CNBD1: variants seen among roughly 807,000 people sequenced by gnomAD.
CNBD1 encodes the protein cyclic nucleotide-binding domain-containing protein 1.
Under a neutral mutation model 54.4 loss-of-function variants are expected in CNBD1, and 71 were observed. That is an observed-to-expected ratio of 1.30 (90% CI 1.08 to 1.59). CNBD1 has a LOEUF of 1.59. Ranked by LOEUF, CNBD1 falls within the 40% of genes most tolerant of loss-of-function variation. The pLI is 0.00. For synonymous variants in CNBD1, 182 were observed against 170.7 expected (o/e 1.07, Z -0.51); for missense variants, 659 against 518.0 (o/e 1.27, Z -2.64).
intron 10 of CNBD1, among the ~76,000 whole-genome samples, chr8:87,358,396 T>G (rs1343962794): frequency 6.6e-6 from 1 of 152,208 alleles, no homozygotes; most frequent in Non-Finnish European, 1.5e-5. Flanking sequence ...AAATAATTAC[T>G]AACCACCAAT....
rs540876219 is a variant in CNBD1 at position 87,424,672 on chromosome 8, G to A, written c.214-3874G>A. ...CAGAAGCTCTCTTCTGGCTTGTACG[G>A]TTTCTGCCAAGAGATCCGCTGTTAG... On this transcript the variant is annotated intron_variant, in intron 2 of 7. Coordinates refer to the CNBD1 transcript ENST00000521593. Among the ~76,000 whole-genome samples, 10 of 152,260 alleles carry A rather than the reference G, an allele frequency of 6.6e-5. No individual in the cohort carries two copies. In the East Asian group the frequency reaches 1.7e-3, roughly 26 times the overall value.
chr8:87,406,660 A>C (rs1237973288), intron 2 of CNBD1, among the ~76,000 whole-genome samples: 5 of 151,888 alleles, frequency 3.3e-5, no homozygotes, highest in African/African-American at 1.2e-4. Flanking sequence ...TTGTATTTTT[A>C]GTAGAGATGG....
At chr8:87,428,432 A>G in intron 2 of CNBD1, 1 of 305,348 alleles carries the variant, frequency 3.3e-6, no homozygotes, top group Non-Finnish European at 6.5e-6. Context: ...ATTAGGGAAA[A>G]TTTAATTTTG....
intron 4 of CNBD1, among the ~76,000 whole-genome samples, chr8:87,195,719 A>G (rs893055981): frequency 4.0e-5 from 6 of 150,454 alleles, no homozygotes; most frequent in African/African-American, 1.2e-4. Context: ...GACTACAGGT[A>G]TGCACCACCA....
At chr8:86,895,533 G>T (rs552223038) in intron 2 of CNBD1, among the ~76,000 whole-genome samples, 2 of 152,136 alleles carry the variant, frequency 1.3e-5, no homozygotes, top group Non-Finnish European at 2.9e-5. Flanking sequence ...CTAGCAAACC[G>T]TTCCAACGTG....
chr8:87,396,122 A>G (rs1811405288), intron 2 of CNBD1, among the ~76,000 whole-genome samples: 1 of 151,920 alleles, frequency 6.6e-6, no homozygotes, highest in East Asian at 1.9e-4. Context: ...TGTCTAATGA[A>G]TGACTATGTA....
chr8:86,888,565 C>A (rs919549651), intron 2 of CNBD1, among the ~76,000 whole-genome samples: 3 of 152,100 alleles, frequency 2.0e-5, no homozygotes, highest in African/African-American at 7.2e-5. Flanking sequence ...TAACAGTACT[C>A]ACTTTAAAGG....
At chr8:86,904,200 T>A (rs6468533) in intron 2 of CNBD1, among the ~76,000 whole-genome samples, 143,812 of 152,092 alleles carry the variant, frequency 0.95, 68,093 homozygotes, top group East Asian at 1. Context: ...GAGGATTTTG[T>A]TGTTCATTGT....
At chr8:87,177,698 T>G (rs1384265841) in intron 4 of CNBD1, among the ~76,000 whole-genome samples, 1 of 152,198 alleles carries the variant, frequency 6.6e-6, no homozygotes, top group African/African-American at 2.4e-5. Context: ...AAGTTCTAAC[T>G]TTTTGTTTTA....
At chr8:86,870,331 G>T (rs931660354) in intron 1 of CNBD1, among the ~76,000 whole-genome samples, 2 of 151,684 alleles carry the variant, frequency 1.3e-5, no homozygotes, top group African/African-American at 4.8e-5. Context: ...TGGGACTACA[G>T]TATATGTTAG....
At chr8:87,208,692 A>G (rs1814029376) in intron 5 of CNBD1, among the ~76,000 whole-genome samples, 1 of 152,010 alleles carries the variant, frequency 6.6e-6, no homozygotes, top group South Asian at 2.1e-4. Flanking sequence ...ATTAAAACCC[A>G]TTTCTATAAA....
intron 4 of CNBD1, among the ~76,000 whole-genome samples, chr8:87,131,280 G>A (rs1438662952): frequency 6.6e-6 from 1 of 151,816 alleles, no homozygotes; most frequent in Admixed American, 6.6e-5. Context: ...ACTTTTTTGA[G>A]TTAATTGCAT....
At chr8:87,320,542 CATTG>C (rs2130898803) in intron 8 of CNBD1, among the ~76,000 whole-genome samples, 1 of 150,028 alleles carries the variant, frequency 6.7e-6, no homozygotes, top group Non-Finnish European at 1.5e-5. Flanking sequence ...TTAGTTCAAT[CATTG>C]ATTAACAGGA....
chr8:86,970,321 C>T (rs2130489163), intron 4 of CNBD1, among the ~76,000 whole-genome samples: 1 of 152,196 alleles, frequency 6.6e-6, no homozygotes, highest in South Asian at 2.1e-4. Context: ...TCCTATGTGT[C>T]TTATTTTTTT....
chr8:87,265,238 C>A (rs538017626), intron 6 of CNBD1, among the ~76,000 whole-genome samples: 1 of 152,184 alleles, frequency 6.6e-6, no homozygotes, highest in South Asian at 2.1e-4. Context: ...GTTTTCCCAG[C>A]ACCATTTATT....
chr8:86,974,013 A>AT (rs886887006), intron 4 of CNBD1, among the ~76,000 whole-genome samples: 10 of 151,942 alleles, frequency 6.6e-5, no homozygotes, highest in East Asian at 1.9e-4. Flanking sequence ...TTCTAGGAGG[A>AT]TTTTTTTTAC....
intron 4 of CNBD1, among the ~76,000 whole-genome samples, chr8:87,096,299 G>A (rs999149877): frequency 1.7e-4 from 25 of 148,120 alleles, no homozygotes; most frequent in African/African-American, 5.5e-4. Context: ...TTCTCCCTAT[G>A]TCATCACATA....
At chr8:87,343,873 T>A (rs1810116885) in intron 8 of CNBD1, among the ~76,000 whole-genome samples, 2 of 152,246 alleles carry the variant, frequency 1.3e-5, no homozygotes, top group Non-Finnish European at 1.5e-5. Flanking sequence ...TTACCTGATT[T>A]TTTTCCTAAG....
intron 4 of CNBD1, among the ~76,000 whole-genome samples, chr8:87,050,508 C>T (rs1810289578): frequency 6.6e-6 from 1 of 152,148 alleles, no homozygotes; most frequent in African/African-American, 2.4e-5. Context: ...AAATTGCCTG[C>T]CCAAACAAGT....
Sources: allele counts gnomAD v4.1 joint callset (sites outside exome capture counted in the v4.1 genomes callset), GRCh38; gene constraint gnomAD v4.1.1; transcripts MANE v1.5; gene names NCBI Gene and HGNC (gene_info 2026-07-23, HGNC 2026-07-21).